Variants in ADGRV1 observed in about 807,000 individuals in gnomAD.
ADGRV1 encodes the protein adhesion G protein-coupled receptor V1.
A neutral mutation model predicts 596.2 loss-of-function variants in ADGRV1; 359 were observed. That is an observed-to-expected ratio of 0.60 (90% confidence interval 0.55 to 0.66). The LOEUF (loss-of-function observed/expected upper bound fraction) is 0.66, where lower values mean the gene tolerates loss of function less well. Among genes scored for constraint, ADGRV1 ranks in the 30% least tolerant of loss-of-function variants. The probability of loss-of-function intolerance (pLI) is 0.00; values close to 1 mark genes in which losing one functional copy is unlikely to be tolerated. For missense variants in ADGRV1, 7,274 were observed against 7,575.6 expected, an observed-to-expected ratio of 0.96 and a Z score of 1.48; for synonymous variants, 2,681 against 2,679.2, an observed-to-expected ratio of 1.00 and a Z score of -0.02.
intron 85 of ADGRV1, among the ~76,000 whole-genome samples, chr5:91,037,119 G>C (rs977444598): frequency 6.6e-6 from 1 of 152,154 alleles, no homozygotes; most frequent in African/African-American, 2.4e-5. Context: ...CAAAGACCCA[G>C]GCAGGCAACA....
chr5:90,817,826 A>G (rs893841293), intron 75 of ADGRV1, among the ~76,000 whole-genome samples: 4 of 152,156 alleles, frequency 2.6e-5, no homozygotes, highest in African/African-American at 7.2e-5. Context: ...GCCTTGTAGT[A>G]TAGTTTGAAA....
intron 1 of ADGRV1, among the ~76,000 whole-genome samples, chr5:90,560,723 A>G (rs991635909): frequency 1.3e-5 from 2 of 152,154 alleles, no homozygotes; most frequent in Admixed American, 6.5e-5. Context: ...TCCATTTATT[A>G]TATCTTAAAA....
In ADGRV1 at chr5:90,725,215, G is replaced by T; in HGVS notation, c.10036G>T (p.Gly3346Ter). ...SLNSVFTFTS[G>*]FKLFLVQTII... ...TAACAGTGTGTTTACATTCACATCTGGATTTAAATTATTCCTGGTAAAAAC... is the reference window on the plus strand; with the variant it reads ...TAACAGTGTGTTTACATTCACATCTTGATTTAAATTATTCCTGGTAAAAAC... The change falls in exon 47 of 90, where the codon GGA (glycine) becomes TGA (stop). Residue 3346 changes from glycine to a stop codon, truncating the protein, a stop_gained. Transcript: ENST00000405460. LOFTEE classifies it high-confidence loss of function. 6.8e-7 allele frequency: 1 copy of T among 1,463,990 alleles called. No homozygotes were observed. The highest frequency in any genetic ancestry group is 1.4e-5 in the South Asian group (1 of 73,194). 90.7% of individuals were successfully genotyped at this position (1,463,990 alleles called of 1,614,324 possible). A position where few individuals can be genotyped will look rare whatever the true frequency, so the allele number is the denominator to read the frequency against.
chr5:90,805,565 G>A (rs369396603), intron 72 of ADGRV1, 107 bp downstream of exon 72: 267 of 908,464 alleles, frequency 2.9e-4, no homozygotes, highest in South Asian at 4.6e-4. Flanking sequence ...TGTAGTTTTC[G>A]AATACAATGC....
chr5:91,032,528 T>C (rs973694378), intron 85 of ADGRV1, among the ~76,000 whole-genome samples: 3 of 152,100 alleles, frequency 2.0e-5, no homozygotes, highest in Non-Finnish European at 4.4e-5. Context: ...CTTCCTACTT[T>C]CTATAGTTGA....
At chr5:90,883,770 T>G (rs1770017994) in intron 83 of ADGRV1, among the ~76,000 whole-genome samples, 1 of 152,140 alleles carries the variant, frequency 6.6e-6, no homozygotes, top group South Asian at 2.1e-4. Flanking sequence ...ATCCTTTCAC[T>G]TACGGGACTG....
intron 70 of ADGRV1, among the ~76,000 whole-genome samples, chr5:90,796,500 G>C (rs1380357182): frequency 6.6e-6 from 1 of 152,122 alleles, no homozygotes; most frequent in African/African-American, 2.4e-5. Flanking sequence ...CGTTTGATTG[G>C]TGTACCTGAA....
chr5:90,678,255 A>G (rs1400348210), intron 25 of ADGRV1, among the ~76,000 whole-genome samples: 1 of 152,066 alleles, frequency 6.6e-6, no homozygotes, highest in Non-Finnish European at 1.5e-5. Flanking sequence ...ATATTGGTAG[A>G]AGCGTATACG....
chr5:90,631,131 C>T (rs541921213), intron 9 of ADGRV1, among the ~76,000 whole-genome samples: 26 of 152,212 alleles, frequency 1.7e-4, no homozygotes, highest in African/African-American at 6.3e-4. Context: ...ATAATTTATT[C>T]TTCAGAACTT....
chr5:91,014,875 A>G (rs1783050897), intron 85 of ADGRV1, among the ~76,000 whole-genome samples: 2 of 151,442 alleles, frequency 1.3e-5, no homozygotes, highest in Non-Finnish European at 2.9e-5. Context: ...GTGTCTTGAT[A>G]TCTTTCAGTT....
At chr5:90,661,210 G>A (rs1770238470) in intron 21 of ADGRV1, among the ~76,000 whole-genome samples, 1 of 152,160 alleles carries the variant, frequency 6.6e-6, no homozygotes, top group Admixed American at 6.5e-5. Flanking sequence ...CTGCCAAATT[G>A]TATACCACGT....
At chr5:91,153,804 A>G (rs1426755035) in intron 89 of ADGRV1, among the ~76,000 whole-genome samples, 1 of 152,238 alleles carries the variant, frequency 6.6e-6, no homozygotes, top group Non-Finnish European at 1.5e-5. Context: ...TGAGCATGGT[A>G]TAGTTCTATA....
At chr5:90,586,109 T>C (rs367851391) in intron 1 of ADGRV1, among the ~76,000 whole-genome samples, 19 of 152,328 alleles carry the variant, frequency 1.2e-4, no homozygotes, top group African/African-American at 4.3e-4. Flanking sequence ...TGCCATTAAA[T>C]ATTTTTATTA....
chr5:90,854,982 T>C (rs1052048708), intron 81 of ADGRV1, among the ~76,000 whole-genome samples: 2 of 152,120 alleles, frequency 1.3e-5, no homozygotes, highest in African/African-American at 4.8e-5. Flanking sequence ...ACCTAATAAA[T>C]AGAAATACTC....
At chr5:90,714,297 C>G (rs1179051805) in intron 42 of ADGRV1, among the ~76,000 whole-genome samples, 1 of 150,194 alleles carries the variant, frequency 6.7e-6, no homozygotes, top group African/African-American at 2.4e-5. Context: ...ACTTTGTGAT[C>G]CTGTTTTTCG....
chr5:90,832,118 C>A (rs1374798534), intron 77 of ADGRV1, among the ~76,000 whole-genome samples: 1 of 151,958 alleles, frequency 6.6e-6, no homozygotes, highest in Non-Finnish European at 1.5e-5. Context: ...GGGTATATAC[C>A]TGGGAGTGGA....
At chr5:91,080,248 T>C (rs560123916) in intron 86 of ADGRV1, among the ~76,000 whole-genome samples, 3 of 152,316 alleles carry the variant, frequency 2.0e-5, no homozygotes, top group Admixed American at 2.0e-4. Context: ...TTGTTAACTA[T>C]AGTCAACTAG....
intron 71 of ADGRV1, chr5:90,805,050 T>C: frequency 3.0e-6 from 1 of 329,004 alleles, no homozygotes; most frequent in East Asian, 4.7e-5. Flanking sequence ...TGTTGTTCAT[T>C]CAAAAGATAA....
chr5:90,850,372 C>T (rs184727352), intron 79 of ADGRV1, among the ~76,000 whole-genome samples: 3 of 152,154 alleles, frequency 2.0e-5, no homozygotes, highest in Non-Finnish European at 2.9e-5. Context: ...AAAGGATTCT[C>T]CAATCCTCAC....
Sources: gnomAD v4.1 joint callset for allele counts (sites outside exome capture counted in the v4.1 genomes callset) on GRCh38, gnomAD v4.1.1 for gene constraint, MANE v1.5 for transcripts, NCBI Gene and HGNC (gene_info 2026-07-23, HGNC 2026-07-21) for gene names.